Variants in PIP5K1C observed in about 807,000 individuals in gnomAD.
PIP5K1C encodes the protein phosphatidylinositol 4-phosphate 5-kinase type-1 gamma.
A neutral mutation model predicts 80.1 loss-of-function variants in PIP5K1C; 45 were observed. The ratio of observed to expected loss-of-function variants is 0.56; its 90% CI spans 0.44 to 0.72. The LOEUF (loss-of-function observed/expected upper bound fraction) is 0.72, where lower values mean the gene tolerates loss of function less well. PIP5K1C is among the 30% of genes least tolerant of loss of function. PIP5K1C has a pLI of 0.00. For missense variants in PIP5K1C, 753 were observed against 954.6 expected (o/e 0.79, Z 2.78); for synonymous variants, 498 against 420.1 (o/e 1.19, Z -2.27).
rs902561119 is a variant in PIP5K1C at position 3,636,757 on chromosome 19, C to T, written c.1920+2127G>A. The T allele has an allele frequency of 9.7e-5, 96 of 986,544 alleles. No homozygotes were observed. The African/African-American group carries it at 1.4e-3, about 14-fold the overall frequency. 61.1% of individuals were successfully genotyped at this position (986,544 alleles called of 1,614,324 possible). A position where few individuals can be genotyped will look rare whatever the true frequency, so the allele number is the denominator to read the frequency against. ...AGGTTTGCTGATGGGCGGGGAGTCA[C>T]GGCGGCCTCGGCGGAGGCTTTGTCT... On this transcript the variant is annotated intron_variant, in intron 16 of 17. Coordinates refer to ENST00000335312, the MANE Select transcript of PIP5K1C (RefSeq NM_012398.3).
chr19:3,687,875 C>T lies in PIP5K1C; in HGVS notation c.94+12422G>A, dbSNP rs900936773. On this transcript the variant is annotated intron_variant, in intron 1 of 17. Transcript: ENST00000335312. ...CCAGGCCGGTAAACAGGAAGCTCTG[C>T]GCAGGCGGGCGGAGCATCCAGAACT... Among the ~76,000 whole-genome samples, 86 of 152,204 alleles carry T rather than the reference C, an allele frequency of 5.7e-4. 1 individual carries two copies. The highest frequency in any genetic ancestry group is 2.2e-4 in the Non-Finnish European group (15 of 68,024).
At chr19:3,665,898 C>T (rs1285830907) in intron 2 of PIP5K1C, among the ~76,000 whole-genome samples, 1 of 152,144 alleles carries the variant, frequency 6.6e-6, no homozygotes, top group Non-Finnish European at 1.5e-5. Flanking sequence ...ATGGACCCTC[C>T]ACTGGCCAGA....
chr19:3,677,379 T>C (rs2035392221), intron 1 of PIP5K1C, among the ~76,000 whole-genome samples: 1 of 152,058 alleles, frequency 6.6e-6, no homozygotes, highest in East Asian at 1.9e-4. Context: ...GCCCAGGAGT[T>C]AGAGACCAGC....
chr19:3,638,691 T>G (rs1206186410), intron 16 of PIP5K1C, among the ~76,000 whole-genome samples, 193 bp downstream of exon 16: 1 of 151,942 alleles, frequency 6.6e-6, no homozygotes, highest in Non-Finnish European at 1.5e-5. Context: ...AGAAGGTGGG[T>G]GTGAACGTGG....
chr19:3,685,161 C>T (rs1051367877), intron 1 of PIP5K1C, among the ~76,000 whole-genome samples: 2 of 152,156 alleles, frequency 1.3e-5, no homozygotes, highest in African/African-American at 4.8e-5. Flanking sequence ...ATGAAACCAG[C>T]CTGCCAGCAA....
intron 2 of PIP5K1C, 82 bp from the exon 3 acceptor site, chr19:3,664,996 AAGGTTTAGTCG>A: frequency 8.4e-7 from 1 of 1,195,314 alleles, no homozygotes; most frequent in East Asian, 2.4e-5. Context: ...CCTGGGAAGA[AAGGTTTAGTCG>A]TTGGGCCCAG....
chr19:3,684,216 C>T lies in PIP5K1C; in HGVS notation c.94+16081G>A, dbSNP rs529253740. On this transcript the variant is annotated intron_variant, in intron 1 of 17. Transcript: ENST00000335312. Reference sequence around the variant, plus strand: ...GCTGCAGTGGTAACCACACCAGTCACGCATGAGCATTTCTTTGCCTTATAA... The same window carrying T: ...GCTGCAGTGGTAACCACACCAGTCATGCATGAGCATTTCTTTGCCTTATAA... Among the ~76,000 whole-genome samples, 4 of 152,292 alleles carry T rather than the reference C, an allele frequency of 2.6e-5. No individual in the cohort carries two copies. In the East Asian group the frequency reaches 5.8e-4, roughly 22 times the overall value.
At chr19:3,659,169 C>T (rs2145476646) in intron 5 of PIP5K1C, among the ~76,000 whole-genome samples, 1 of 152,362 alleles carries the variant, frequency 6.6e-6, no homozygotes, top group East Asian at 1.9e-4. Flanking sequence ...CCCACTCAAG[C>T]TCAGGGGCCC....
At chr19:3,669,013 G>C (rs1281073028) in intron 1 of PIP5K1C, among the ~76,000 whole-genome samples, 1 of 152,192 alleles carries the variant, frequency 6.6e-6, no homozygotes, top group East Asian at 1.9e-4. Flanking sequence ...CAGGGGCATG[G>C]AGACAAATGC....
intron 1 of PIP5K1C, among the ~76,000 whole-genome samples, chr19:3,674,455 C>T (rs536347986): frequency 2.7e-5 from 4 of 149,730 alleles, no homozygotes; most frequent in Admixed American, 6.7e-5. Context: ...CGGGTTCAAG[C>T]GATTCTCCTG....
Position 3,652,045 on chromosome 19 carries a change from G to A in PIP5K1C, c.922-14C>T, listed in dbSNP as rs2034470885. ...ACTTTCCAGGACCTGGCGGGATCGG[G>A]CAGGAACACGCCACGCCGTCAGCCG... On this transcript the variant is annotated splice_polypyrimidine_tract_variant and intron_variant, in intron 7 of 17. Transcript: ENST00000335312. 8 of 1,611,870 alleles carry A rather than the reference G, an allele frequency of 5.0e-6. No individual in the cohort carries two copies. In the African/African-American group the frequency reaches 8.0e-5, roughly 16 times the overall value.
chr19:3,670,825 C>T (rs1017846987), intron 1 of PIP5K1C, among the ~76,000 whole-genome samples: 12 of 151,926 alleles, frequency 7.9e-5, no homozygotes, highest in East Asian at 1.9e-4. Flanking sequence ...GGGGCGGGGA[C>T]GGGGACGGAG....
At chr19:3,638,075 T>G in intron 16 of PIP5K1C, 1 of 1,443,136 alleles carries the variant, frequency 6.9e-7, no homozygotes, top group Non-Finnish European at 9.1e-7. Context: ...CCCTAAGGCC[T>G]GGTGCCCGTG....
intron 5 of PIP5K1C, among the ~76,000 whole-genome samples, chr19:3,657,238 C>CCT (rs2145466781): frequency 6.6e-6 from 1 of 152,302 alleles, no homozygotes; most frequent in South Asian, 2.1e-4. Flanking sequence ...GCCCCCACGC[C>CCT]CTCTCCTGGA....
At chr19:3,668,866 G>A (rs1032404358) in intron 1 of PIP5K1C, among the ~76,000 whole-genome samples, 18 of 152,172 alleles carry the variant, frequency 1.2e-4, no homozygotes, top group African/African-American at 3.6e-4. Flanking sequence ...CGGAGGGAAC[G>A]GCAGCACAAA....
Position 3,633,458 on chromosome 19 carries a change from G to A in PIP5K1C, c.1983C>T (p.Ala661=), listed in dbSNP as rs1412741561. ...PLHYSAQAPP[A]SDGESDT ...TTACTGTGTCGCTCTCGCCGTCGGA[G>A]GCCGGGGGGGCCTGGGCGCTATAGT... is the stretch of plus-strand genomic sequence containing the variant. Residue 661 remains alanine (A), a synonymous_variant, in exon 17 of 18, where the codon GCC becomes GCT. Coordinates refer to ENST00000335312, the MANE Select transcript of PIP5K1C (RefSeq NM_012398.3). 7.3e-6 allele frequency: 11 copies of A among 1,504,990 alleles called. No homozygotes were observed. The highest frequency in any genetic ancestry group is 9.8e-6 in the Non-Finnish European group (11 of 1,124,622). The allele number at this position is 1,504,990 out of a possible 1,614,324, so 93.2% of individuals were successfully genotyped here.
intron 1 of PIP5K1C, among the ~76,000 whole-genome samples, chr19:3,673,045 A>G (rs1321167384): frequency 1.7e-5 from 2 of 118,316 alleles, no homozygotes; most frequent in African/African-American, 6.4e-5. Flanking sequence ...CACCGCAGAC[A>G]AGGGTCTCCC....
Position 3,653,991 on chromosome 19 carries a change from C to A in PIP5K1C, c.622-402G>T, listed in dbSNP as rs999297708. Among the ~76,000 whole-genome samples, 26 of 152,210 alleles carry A rather than the reference C, an allele frequency of 1.7e-4. 1 individual carries two copies. Among genetic ancestry groups the A allele is most frequent in the African/African-American group, 6.0e-4 (25 of 41,458 alleles). ...GTATATGCACACACAAACACATACA[C>A]ACACACGCACACACACATGTATTTT... On this transcript the variant is annotated intron_variant, in intron 6 of 17. Coordinates refer to ENST00000335312, the MANE Select transcript of PIP5K1C (RefSeq NM_012398.3).
chr19:3,671,851 G>A (rs916906332), intron 1 of PIP5K1C, among the ~76,000 whole-genome samples: 2 of 152,254 alleles, frequency 1.3e-5, no homozygotes, highest in East Asian at 1.9e-4. Context: ...CTGTCATGAC[G>A]GTGAGCTCTG....
Sources: gnomAD v4.1 joint callset for allele counts (sites outside exome capture counted in the v4.1 genomes callset) on GRCh38, gnomAD v4.1.1 for gene constraint, MANE v1.5 for transcripts, NCBI Gene and HGNC (gene_info 2026-07-23, HGNC 2026-07-21) for gene names.